VAV3: variants seen among roughly 807,000 people sequenced by gnomAD.
VAV3 encodes the protein vav guanine nucleotide exchange factor 3, also known as guanine nucleotide exchange factor VAV3.
Under a neutral mutation model 131.2 loss-of-function variants are expected in VAV3, and 94 were observed. That is an observed-to-expected ratio of 0.72 (90% CI 0.61 to 0.85). The LOEUF (loss-of-function observed/expected upper bound fraction) is 0.85, where lower values mean the gene tolerates loss of function less well. VAV3 is among the 40% of genes least tolerant of loss of function. VAV3 has a pLI of 0.00. For missense variants in VAV3, 939 were observed against 1,002.7 expected (o/e 0.94, Z 0.86); for synonymous variants, 349 against 342.0 (o/e 1.02, Z -0.22).
At chr1:107,891,987 G>A (rs1671332112) in intron 1 of VAV3, among the ~76,000 whole-genome samples, 1 of 151,996 alleles carries the variant, frequency 6.6e-6, no homozygotes, top group Non-Finnish European at 1.5e-5. Context: ...CTTCCTTACA[G>A]GATAGTATTT....
At chr1:107,608,112 T>C (rs1652436195) in intron 22 of VAV3, among the ~76,000 whole-genome samples, 1 of 151,920 alleles carries the variant, frequency 6.6e-6, no homozygotes, top group African/African-American at 2.4e-5. Flanking sequence ...TTCAAGGCTC[T>C]CCCTTTGCCT....
chr1:107,962,178 G>A (rs1231719197), intron 1 of VAV3, among the ~76,000 whole-genome samples: 1 of 152,136 alleles, frequency 6.6e-6, no homozygotes. Context: ...TAGACAGAAC[G>A]ACTCTCAGAC....
At chr1:107,674,309 C>G (rs1207033097) in intron 19 of VAV3, among the ~76,000 whole-genome samples, 2 of 152,162 alleles carry the variant, frequency 1.3e-5, no homozygotes, top group African/African-American at 4.8e-5. Flanking sequence ...TTCAGAACCT[C>G]TAATTAGCTG....
chr1:107,663,424 G>A (rs1331988151), intron 19 of VAV3, among the ~76,000 whole-genome samples: 1 of 151,978 alleles, frequency 6.6e-6, no homozygotes, highest in Non-Finnish European at 1.5e-5. Context: ...AAATATCTCT[G>A]GGTCTTCTGT....
At chr1:107,792,687 T>C (rs1666355917) in intron 2 of VAV3, among the ~76,000 whole-genome samples, 1 of 152,222 alleles carries the variant, frequency 6.6e-6, no homozygotes, top group Non-Finnish European at 1.5e-5. Context: ...TATTTCCACA[T>C]TGTATTCGCT....
In VAV3 at chr1:107,603,059, G is replaced by T. The variant is rs747494332; in HGVS notation, c.2120C>A (p.Ala707Glu). Residue 707 changes from alanine to glutamate, a missense_variant, in exon 23 of 27, where the codon GCA (alanine) becomes GAA (glutamate). Transcript: ENST00000370056. ...RHRTKESGEY[A>E]ISIKYNNEAK... ...TTGTCCTACTTACTTAATGCTAATTGCATATTCTCCTGACTCTTTGGTCCT... is the reference window on the plus strand; with the variant it reads ...TTGTCCTACTTACTTAATGCTAATTTCATATTCTCCTGACTCTTTGGTCCT... 6.2e-7 allele frequency: 1 copy of T among 1,611,346 alleles called. No individual in the cohort carries two copies. Among genetic ancestry groups the T allele is most frequent in the Admixed American group, 1.7e-5 (1 of 59,940 alleles).
chr1:107,831,773 C>T (rs1299928503), intron 2 of VAV3, among the ~76,000 whole-genome samples: 2 of 152,204 alleles, frequency 1.3e-5, no homozygotes, highest in Admixed American at 1.3e-4. Flanking sequence ...ATATAATAGA[C>T]TCAATATACA....
At chr1:107,578,368 C>A (rs929344214) in intron 25 of VAV3, among the ~76,000 whole-genome samples, 2 of 152,060 alleles carry the variant, frequency 1.3e-5, no homozygotes, top group African/African-American at 4.8e-5. Context: ...ATAATCAGCC[C>A]AAATCATTTT....
intron 15 of VAV3, among the ~76,000 whole-genome samples, chr1:107,709,344 TTTTG>T (rs546120460): frequency 4.6e-5 from 7 of 152,272 alleles, no homozygotes; most frequent in East Asian, 3.9e-4. Flanking sequence ...TACTGTAGTA[TTTTG>T]TTTGTTTTCA....
At chr1:107,623,261 A>C (rs921707895) in intron 20 of VAV3, among the ~76,000 whole-genome samples, 3 of 152,248 alleles carry the variant, frequency 2.0e-5, no homozygotes, top group Non-Finnish European at 1.5e-5. Flanking sequence ...CACATCCCTC[A>C]CTAGGTTGTT....
intron 22 of VAV3, among the ~76,000 whole-genome samples, chr1:107,607,333 C>T (rs571933904): frequency 7.9e-5 from 12 of 152,228 alleles, no homozygotes; most frequent in South Asian, 4.1e-4. Context: ...AACTCTATTT[C>T]GTTTCTTTGG....
At chr1:107,664,060 TAACA>T (rs937243444) in intron 19 of VAV3, among the ~76,000 whole-genome samples, 9 of 152,212 alleles carry the variant, frequency 5.9e-5, no homozygotes, top group African/African-American at 2.2e-4. Flanking sequence ...GCTGGCTCAT[TAACA>T]AACCATTTTC....
chr1:107,639,257 T>C (rs1347572884), intron 20 of VAV3, among the ~76,000 whole-genome samples: 1 of 152,090 alleles, frequency 6.6e-6, no homozygotes, highest in African/African-American at 2.4e-5. Context: ...TTTGTAACTT[T>C]GGGGTAGGCA....
At chr1:107,732,796 T>C (rs7537384) in intron 15 of VAV3, among the ~76,000 whole-genome samples, 101,723 of 152,090 alleles carry the variant, frequency 0.67, 34,681 homozygotes, top group East Asian at 0.97. Flanking sequence ...CATAGCTGAA[T>C]AAAAGGCAGC....
intron 15 of VAV3, among the ~76,000 whole-genome samples, chr1:107,708,188 A>C (rs189821105): frequency 5.3e-5 from 8 of 152,182 alleles, no homozygotes; most frequent in African/African-American, 1.9e-4. Context: ...CATCACATTT[A>C]GTTGAGGAAG....
intron 15 of VAV3, among the ~76,000 whole-genome samples, chr1:107,710,255 G>A (rs920615964): frequency 1.3e-5 from 2 of 152,074 alleles, no homozygotes; most frequent in Non-Finnish European, 2.9e-5. Context: ...TAACAATCAA[G>A]TATTACCAGT....
chr1:107,653,881 C>T (rs1656352205), intron 19 of VAV3, among the ~76,000 whole-genome samples: 1 of 152,028 alleles, frequency 6.6e-6, no homozygotes, highest in East Asian at 1.9e-4. Flanking sequence ...TTCCCAGGAA[C>T]ATTCCTTCTT....
At chr1:107,884,328 A>G (rs1670922166) in intron 1 of VAV3, among the ~76,000 whole-genome samples, 1 of 151,348 alleles carries the variant, frequency 6.6e-6, no homozygotes, top group African/African-American at 2.4e-5. Context: ...TACACACTAC[A>G]TGCCTGTACC....
chr1:107,890,153 A>T (rs1191345079), intron 1 of VAV3, among the ~76,000 whole-genome samples: 2 of 152,164 alleles, frequency 1.3e-5, no homozygotes, highest in Non-Finnish European at 2.9e-5. Flanking sequence ...TATCAGCAAG[A>T]AGTAGTAAAT....
Sources: allele counts gnomAD v4.1 joint callset (sites outside exome capture counted in the v4.1 genomes callset), GRCh38; gene constraint gnomAD v4.1.1; transcripts MANE v1.5; gene names NCBI Gene and HGNC (gene_info 2026-07-23, HGNC 2026-07-21).